The following NCKAP5 variants were observed in gnomAD, a reference collection of about 807,000 sequenced individuals.
The protein encoded by NCKAP5 is NCK associated protein 5.
A neutral mutation model predicts 167.0 loss-of-function variants in NCKAP5; 92 were observed. That is an observed-to-expected ratio of 0.55 (90% CI 0.47 to 0.66). The LOEUF is 0.66. Ranked by LOEUF, NCKAP5 falls within the 30% of genes least tolerant of loss-of-function variation. The pLI is 0.00. For synonymous variants in NCKAP5, 891 were observed against 877.4 expected (o/e 1.02, Z -0.27); for missense variants, 2,378 against 2,315.0 (o/e 1.03, Z -0.56).
At chr2:133,528,690 A>G (rs533952046) in intron 2 of NCKAP5, among the ~76,000 whole-genome samples, 1 of 152,322 alleles carries the variant, frequency 6.6e-6, no homozygotes, top group East Asian at 1.9e-4. Flanking sequence ...AATCCAAGAC[A>G]ACTATGGCTT....
chr2:132,783,256 C>T lies in NCKAP5; in HGVS notation c.3555G>A (p.Val1185=). 1.2e-6 allele frequency: 2 copies of T among 1,613,952 alleles called. No homozygotes were observed. The change falls in exon 14 of 20, where the codon GTG becomes GTA. Residue 1185 remains valine, a synonymous_variant. Transcript: ENST00000409261. ...TGGAGTCCTCTGGCTTAGACTTGTT[C>T]ACAGCCACGGAACTTTTGGAGGCTT... The part of the protein sequence containing the change: ...LNEASKSSVA[V]NKSKPEDSKN...
intron 2 of NCKAP5, among the ~76,000 whole-genome samples, chr2:133,541,025 G>A (rs913668242): frequency 6.7e-6 from 1 of 150,260 alleles, no homozygotes; most frequent in Non-Finnish European, 1.5e-5. Context: ...TTTTTAAAGG[G>A]TATAAAGATA....
chr2:133,088,812 A>G (rs981123859), intron 6 of NCKAP5, among the ~76,000 whole-genome samples: 8 of 152,240 alleles, frequency 5.3e-5, no homozygotes, highest in Non-Finnish European at 8.8e-5. Context: ...AGAATATAGA[A>G]TGAATTAAGC....
At chr2:132,691,045 C>T (rs1049298394) in intron 19 of NCKAP5, among the ~76,000 whole-genome samples, 1 of 152,150 alleles carries the variant, frequency 6.6e-6, no homozygotes, top group Admixed American at 6.5e-5. Context: ...TTGGATAAGC[C>T]GTTTACTGTA....
intron 5 of NCKAP5, among the ~76,000 whole-genome samples, chr2:133,188,840 C>A (rs1030589289): frequency 6.6e-5 from 10 of 152,034 alleles, no homozygotes; most frequent in African/African-American, 2.2e-4. Flanking sequence ...CAGGAAATAT[C>A]TAAAATTGAC....
intron 8 of NCKAP5, among the ~76,000 whole-genome samples, chr2:132,904,438 T>G (rs1342731909): frequency 1.3e-5 from 2 of 152,088 alleles, no homozygotes; most frequent in Non-Finnish European, 2.9e-5. Context: ...ATACGTTATT[T>G]AACCATTTCT....
chr2:132,677,779 T>G (rs1283763863), intron 19 of NCKAP5, among the ~76,000 whole-genome samples: 3 of 152,050 alleles, frequency 2.0e-5, no homozygotes, highest in Non-Finnish European at 1.5e-5. Flanking sequence ...ACCAGACTCA[T>G]GAAAGTATCA....
At chr2:133,482,682 T>C (rs1055521124) in intron 3 of NCKAP5, among the ~76,000 whole-genome samples, 1 of 152,234 alleles carries the variant, frequency 6.6e-6, no homozygotes, top group Non-Finnish European at 1.5e-5. Context: ...CTGGATCAAA[T>C]CATAATTCTA....
intron 5 of NCKAP5, among the ~76,000 whole-genome samples, chr2:133,211,353 C>A (rs1559272662): frequency 6.6e-6 from 1 of 152,098 alleles, no homozygotes; most frequent in Non-Finnish European, 1.5e-5. Flanking sequence ...GCCTCAGCCT[C>A]CCAAGTAGAT....
intron 2 of NCKAP5, among the ~76,000 whole-genome samples, chr2:133,542,677 C>CA (rs998380377): frequency 2.6e-5 from 4 of 152,146 alleles, no homozygotes; most frequent in Admixed American, 2.6e-4. Flanking sequence ...ATCTTCATCC[C>CA]ATCACCATTT....
intron 6 of NCKAP5, among the ~76,000 whole-genome samples, chr2:133,011,421 C>T (rs768067437): frequency 9.9e-5 from 15 of 152,182 alleles, no homozygotes; most frequent in African/African-American, 2.7e-4. Context: ...TTGTAAAGTG[C>T]AAAGACTTGC....
intron 17 of NCKAP5, among the ~76,000 whole-genome samples, chr2:132,729,428 G>T (rs771064417): frequency 1.3e-5 from 2 of 152,182 alleles, no homozygotes; most frequent in Non-Finnish European, 1.5e-5. Flanking sequence ...CCTAAAATAC[G>T]TATTAAGGTT....
At chr2:132,819,545 G>T (rs1686549564) in intron 11 of NCKAP5, among the ~76,000 whole-genome samples, 1 of 152,120 alleles carries the variant, frequency 6.6e-6, no homozygotes, top group Non-Finnish European at 1.5e-5. Flanking sequence ...AAGAAACAAG[G>T]CTCAAGAAAG....
intron 6 of NCKAP5, among the ~76,000 whole-genome samples, chr2:133,094,074 G>A (rs967676362): frequency 3.3e-5 from 5 of 152,198 alleles, no homozygotes; most frequent in African/African-American, 9.6e-5. Flanking sequence ...GACACACAGG[G>A]GGTTTCAGGC....
chr2:133,139,456 G>T (rs2082916308), intron 5 of NCKAP5, among the ~76,000 whole-genome samples: 5 of 152,116 alleles, frequency 3.3e-5, no homozygotes, highest in African/African-American at 9.7e-5. Context: ...GATTTAAGAG[G>T]CAAAGGGCAC....
At chr2:133,209,376 C>T (rs1357193031) in intron 5 of NCKAP5, among the ~76,000 whole-genome samples, 1 of 148,576 alleles carries the variant, frequency 6.7e-6, no homozygotes, top group East Asian at 2.0e-4. Flanking sequence ...AAATATAAAA[C>T]ATCTAGTATG....
At chr2:133,658,659 T>C in the NCKAP5 span, among the ~76,000 whole-genome samples, 4 of 152,154 alleles carry the variant, frequency 2.6e-5, no homozygotes, top group Admixed American at 2.6e-4. Flanking sequence ...ACAGTCAGGC[T>C]CACTCACAGT....
intron 19 of NCKAP5, among the ~76,000 whole-genome samples, chr2:132,689,359 G>A (rs955407401): frequency 2.6e-5 from 4 of 152,222 alleles, no homozygotes; most frequent in African/African-American, 9.6e-5. Flanking sequence ...ATGTTCTCTT[G>A]AAATTCCTGA....
intron 3 of NCKAP5, among the ~76,000 whole-genome samples, chr2:133,512,396 A>G (rs1181872614): frequency 6.6e-6 from 1 of 152,220 alleles, no homozygotes; most frequent in Non-Finnish European, 1.5e-5. Flanking sequence ...CAGGACTTTC[A>G]AAATTCCCAT....
Sources: allele counts gnomAD v4.1 joint callset (sites outside exome capture counted in the v4.1 genomes callset), GRCh38; gene constraint gnomAD v4.1.1; transcripts MANE v1.5; gene names NCBI Gene and HGNC (gene_info 2026-07-23, HGNC 2026-07-21).